Variants in STXBP4 observed in about 807,000 individuals in gnomAD.
STXBP4 encodes syntaxin-binding protein 4.
A neutral mutation model predicts 76.1 loss-of-function variants in STXBP4; 55 were observed. The observed-to-expected ratio is 0.72, with a 90% CI of 0.58 to 0.91. STXBP4 has a LOEUF of 0.91. Among genes scored for constraint, STXBP4 ranks in the 40% least tolerant of loss-of-function variants. STXBP4 has a pLI of 0.00. For missense variants in STXBP4, 618 were observed against 636.9 expected (o/e 0.97, Z 0.32); for synonymous variants, 201 against 220.2 (o/e 0.91, Z 0.77).
chr17:55,162,686 G>A lies in STXBP4; in HGVS notation c.*2775G>A, dbSNP rs1205504733. On this transcript the variant is annotated 3_prime_UTR_variant, in exon 18 of 18. Transcript: ENST00000376352. ...TTAAAAAAAATCAAGTACTTTGGAA[G>A]TGAATAAAGTAAGAGATAGCCTGTC... The A allele has an allele frequency of 3.3e-5, 5 of 152,112 alleles. No homozygotes were observed. Among genetic ancestry groups the A allele is most frequent in the Admixed American group, 2.0e-4 (3 of 15,276 alleles). The allele number at this position is 152,112 out of a possible 1,614,324, so 9.4% of individuals were successfully genotyped here. A position where few individuals can be genotyped will look rare whatever the true frequency, so the allele number is the denominator to read the frequency against.
At chr17:55,072,846 C>A in intron 12 of STXBP4, 54 bp from the exon 13 acceptor site, 2 of 1,469,202 alleles carry the variant, frequency 1.4e-6, no homozygotes, top group Non-Finnish European at 1.8e-6. Flanking sequence ...TTGTATAAAC[C>A]TCGGAACTAT....
Position 54,999,352 on chromosome 17 carries a change from G to C in STXBP4, c.188G>C (p.Arg63Pro). 3 of 1,608,106 alleles carry C rather than the reference G, an allele frequency of 1.9e-6. No homozygotes were observed. The highest frequency in any genetic ancestry group is 1.1e-5 in the South Asian group (1 of 89,530). Reference protein sequence around the residue: ...IPGGDCYKDGRLKPGDQLVSV... With the variant: ...IPGGDCYKDGPLKPGDQLVSV... ...TGTTACTGTTTTTGTTAGGATGGTC[G>C]TTTGAAGCCAGGAGATCAACTTGTC... The change falls in exon 5 of 18, where the codon CGT becomes CCT. Residue 63 changes from arginine (R) to proline (P), a missense_variant. Physicochemically the swap from Arg to Pro is moderately radical, Grantham distance 103. Coordinates refer to ENST00000376352, the MANE Select transcript of STXBP4 (RefSeq NM_178509.6).
At chr17:55,127,828 A>G (rs1218637269) in intron 16 of STXBP4, among the ~76,000 whole-genome samples, 1 of 152,152 alleles carries the variant, frequency 6.6e-6, no homozygotes, top group Admixed American at 6.5e-5. Flanking sequence ...AGATTTTCAG[A>G]TAAACTTTTT....
Position 55,007,433 on chromosome 17 carries a change from G to A in STXBP4, c.575-73G>A, listed in dbSNP as rs1160470590. 1.5e-5 allele frequency: 16 copies of A among 1,050,338 alleles called. No individual in the cohort carries two copies. In the Admixed American group the frequency reaches 2.5e-4, roughly 16 times the overall value. The allele number at this position is 1,050,338 out of a possible 1,614,324, so 65.1% of individuals were successfully genotyped here. ...ATTATTTTTGAACAGCAGGAACTCA[G>A]AACATATCCTGTCAAATAAAAATTT... On this transcript the variant is annotated intron_variant, in intron 7 of 17. Transcript: ENST00000376352.
chr17:55,153,691 T>C (rs1259565825), intron 17 of STXBP4, among the ~76,000 whole-genome samples: 4 of 152,202 alleles, frequency 2.6e-5, no homozygotes, highest in Non-Finnish European at 5.9e-5. Context: ...TGTAATACAA[T>C]TCTATTTTAA....
At position 55,001,995 on chromosome 17, in the gene STXBP4, T is replaced by TG. The variant is rs1301029767; in HGVS notation, c.574+1116dup. Among the ~76,000 whole-genome samples the TG allele has an allele frequency of 9.8e-5, 15 of 152,326 alleles. 1 individual carries two copies. The highest frequency in any genetic ancestry group is 6.8e-3 in the Middle Eastern group (2 of 294). ...TATTCCACAGTAGTTTCCTCCGATT[T>TG]GGGGTGGTATTTACCAGTGGGTTAA... On this transcript the variant is annotated intron_variant, in intron 7 of 17. Coordinates refer to ENST00000376352, the MANE Select transcript of STXBP4 (RefSeq NM_178509.6).
At chr17:55,016,601 C>T (rs2078211945) in intron 8 of STXBP4, among the ~76,000 whole-genome samples, 1 of 152,166 alleles carries the variant, frequency 6.6e-6, no homozygotes, top group Non-Finnish European at 1.5e-5. Context: ...CCACAAGATC[C>T]TCGCTATCAA....
At chr17:55,039,732 G>C (rs969987230) in intron 10 of STXBP4, among the ~76,000 whole-genome samples, 2 of 145,198 alleles carry the variant, frequency 1.4e-5, no homozygotes, top group African/African-American at 5.0e-5. Context: ...TAAGGAAGAA[G>C]AATGAATAAA....
chr17:55,073,381 T>A (rs145224090), intron 13 of STXBP4, among the ~76,000 whole-genome samples: 5 of 152,330 alleles, frequency 3.3e-5, no homozygotes, highest in Non-Finnish European at 7.3e-5. Context: ...GTTTTTTTCT[T>A]TTGTTTCTAA....
At chr17:55,191,926 A>G in the STXBP4 span, among the ~76,000 whole-genome samples, 1 of 152,202 alleles carries the variant, frequency 6.6e-6, no homozygotes, top group Non-Finnish European at 1.5e-5. Flanking sequence ...TTTCCACAAC[A>G]TCTTTCTTAT....
intron 10 of STXBP4, among the ~76,000 whole-genome samples, chr17:55,039,548 G>T (rs1011157915): frequency 1.3e-5 from 2 of 152,016 alleles, no homozygotes; most frequent in Non-Finnish European, 2.9e-5. Context: ...GTGGTAGGTA[G>T]TCTAGATAGA....
intron 12 of STXBP4, among the ~76,000 whole-genome samples, chr17:55,051,945 T>A (rs1464674343): frequency 6.6e-6 from 1 of 152,026 alleles, no homozygotes; most frequent in Non-Finnish European, 1.5e-5. Flanking sequence ...ATACACCCAA[T>A]CCAAGTTTAA....
At chr17:54,974,111 T>A (rs1221794243) in intron 1 of STXBP4, among the ~76,000 whole-genome samples, 1 of 152,202 alleles carries the variant, frequency 6.6e-6, no homozygotes, top group African/African-American at 2.4e-5. Context: ...CTTAATATGG[T>A]GGTCGTCACT....
intron 1 of STXBP4, among the ~76,000 whole-genome samples, chr17:54,983,416 G>A (rs2077578138): frequency 6.6e-6 from 1 of 152,168 alleles, no homozygotes; most frequent in Admixed American, 6.5e-5. Context: ...TGTCCAGTTA[G>A]AACAACTCAC....
chr17:55,021,414 C>T (rs1316426151), intron 8 of STXBP4, among the ~76,000 whole-genome samples: 1 of 152,072 alleles, frequency 6.6e-6, no homozygotes, highest in Non-Finnish European at 1.5e-5. Flanking sequence ...GTCCCAGCTT[C>T]TTGGGAGGCT....
At chr17:55,095,086 G>C (rs1359855228) in intron 16 of STXBP4, among the ~76,000 whole-genome samples, 2 of 152,144 alleles carry the variant, frequency 1.3e-5, no homozygotes, top group Non-Finnish European at 2.9e-5. Context: ...GGGATTGCAG[G>C]ATGTGTACTA....
At chr17:55,040,484 T>G (rs2078679480) in intron 10 of STXBP4, among the ~76,000 whole-genome samples, 1 of 152,194 alleles carries the variant, frequency 6.6e-6, no homozygotes, top group African/African-American at 2.4e-5. Flanking sequence ...TGAAGTTAAC[T>G]GTTTTGTAAC....
At position 55,133,563 on chromosome 17, in the gene STXBP4, G is replaced by A. The variant is rs935381038; in HGVS notation, c.1490-7747G>A. Among the ~76,000 whole-genome samples the A allele has an allele frequency of 1.4e-4, 21 of 152,122 alleles. 1 individual carries two copies. The highest frequency in any genetic ancestry group is 5.1e-4 in the African/African-American group (21 of 41,414). On this transcript the variant is annotated intron_variant, in intron 16 of 17. Transcript: ENST00000376352. ...ACGCAGGAAAAGAACAGAAAGGAAG[G>A]ACACAGAGGAGTTGAAGAACCAAGC...
In STXBP4 at chr17:54,999,809, C is replaced by T. The variant is rs2144490173; in HGVS notation, c.465C>T (p.Pro155=). 6.2e-7 allele frequency: 1 copy of T among 1,612,860 alleles called. No homozygotes were observed. Among genetic ancestry groups the T allele is most frequent in the Middle Eastern group, 1.7e-4 (1 of 6,054 alleles). Residue 155 remains proline, a synonymous_variant, in exon 6 of 18, where the codon CCC becomes CCT. Coordinates refer to ENST00000376352, the MANE Select transcript of STXBP4 (RefSeq NM_178509.6). Reference sequence around the variant, plus strand: ...TAATCCCAAAGACCTCATCCACTCCCAAAACAAATAATGACATTTTATCTT... The same window carrying T: ...TAATCCCAAAGACCTCATCCACTCCTAAAACAAATAATGACATTTTATCTT... The part of the protein sequence containing the change: ...EILIPKTSST[P]KTNNDILSSC...
Sources: allele counts gnomAD v4.1 joint callset (sites outside exome capture counted in the v4.1 genomes callset), GRCh38; gene constraint gnomAD v4.1.1; transcripts MANE v1.5; gene names NCBI Gene and HGNC (gene_info 2026-07-23, HGNC 2026-07-21).